Variants in HMCN1 observed in about 807,000 individuals in gnomAD.
HMCN1 encodes hemicentin-1.
A neutral mutation model predicts 625.9 loss-of-function variants in HMCN1; 321 were observed. The observed-to-expected ratio is 0.51, with a 90% CI of 0.47 to 0.56. The LOEUF (loss-of-function observed/expected upper bound fraction) is 0.56, where lower values mean the gene tolerates loss of function less well. Among genes scored for constraint, HMCN1 ranks in the 20% least tolerant of loss-of-function variants. The pLI is 0.00. For synonymous variants in HMCN1, 2,425 were observed against 2,417.6 expected, an observed-to-expected ratio of 1.00 and a Z score of -0.09; for missense variants, 6,588 against 6,887.3, an observed-to-expected ratio of 0.96 and a Z score of 1.54.
chr1:186,102,599 T>C (rs80251741), intron 68 of HMCN1, among the ~76,000 whole-genome samples: 2,753 of 152,202 alleles, frequency 0.018, 37 homozygotes, highest in Non-Finnish European at 0.03. Context: ...GACACCAGCA[T>C]TAAAACTCAG....
At chr1:186,092,486 G>A (rs1199430397) in intron 64 of HMCN1, among the ~76,000 whole-genome samples, 1 of 151,828 alleles carries the variant, frequency 6.6e-6, no homozygotes, top group Non-Finnish European at 1.5e-5. Context: ...ACTGTAGATG[G>A]CAATTTAATC....
intron 2 of HMCN1, among the ~76,000 whole-genome samples, chr1:185,851,632 C>T (rs1330929041): frequency 1.3e-5 from 2 of 152,022 alleles, no homozygotes; most frequent in Non-Finnish European, 2.9e-5. Context: ...AAATTAATAT[C>T]CTCGTAAATA....
intron 1 of HMCN1, among the ~76,000 whole-genome samples, chr1:185,740,093 G>C (rs931893484): frequency 6.6e-6 from 1 of 152,186 alleles, no homozygotes; most frequent in Admixed American, 6.5e-5. Context: ...AGAGGGTGAA[G>C]TCAGAAATAT....
Position 186,117,475 on chromosome 1 carries a change from T to C in HMCN1, c.11700T>C (p.Ala3900=), listed in dbSNP as rs1476897667. ...TTGTTTTAGTTCCACCTTCCATAGC[T>C]GATGAGCCTACAGATTTCCTAGTAA... is the stretch of plus-strand genomic sequence containing the variant. ...DLTVQVPPSI[A]DEPTDFLVTK... The change falls in exon 77 of 107, where the codon GCT becomes GCC. Residue 3900 remains alanine, a synonymous_variant. Transcript: ENST00000271588. 2 of 1,613,710 alleles carry C rather than the reference T, an allele frequency of 1.2e-6. No homozygotes were observed. The highest frequency in any genetic ancestry group is 1.7e-6 in the Non-Finnish European group (2 of 1,179,794).
At chr1:185,988,691 T>G (rs1027576454) in intron 20 of HMCN1, among the ~76,000 whole-genome samples, 11 of 152,196 alleles carry the variant, frequency 7.2e-5, no homozygotes, top group Non-Finnish European at 8.8e-5. Context: ...GTTAAGAACT[T>G]GGGCTCTAGA....
chr1:186,070,786 T>C (rs1445498542), intron 52 of HMCN1, 29 bp downstream of exon 52: 2 of 1,611,384 alleles, frequency 1.2e-6, no homozygotes, highest in Non-Finnish European at 1.7e-6. Flanking sequence ...CATTTGCTGA[T>C]GATTTCTTAA....
chr1:185,776,978 T>A (rs1032735639), intron 1 of HMCN1, among the ~76,000 whole-genome samples: 1 of 152,258 alleles, frequency 6.6e-6, no homozygotes, highest in East Asian at 1.9e-4. Flanking sequence ...AAACCATAAA[T>A]ACAACAGACA....
chr1:185,979,751 A>G (rs1336296591), intron 16 of HMCN1, among the ~76,000 whole-genome samples: 1 of 152,200 alleles, frequency 6.6e-6, no homozygotes, highest in Admixed American at 6.5e-5. Context: ...AGGAGTAGAA[A>G]CTTTGTCATG....
intron 1 of HMCN1, among the ~76,000 whole-genome samples, chr1:185,780,176 G>T (rs1298392425): frequency 6.6e-6 from 1 of 152,208 alleles, no homozygotes. Context: ...AAGAATGCTT[G>T]TGATTTTTGT....
intron 97 of HMCN1, among the ~76,000 whole-genome samples, chr1:186,160,286 T>C (rs1651359820): frequency 6.8e-6 from 1 of 147,184 alleles, no homozygotes; most frequent in East Asian, 2.0e-4. Context: ...TCATTTTTTA[T>C]TGCGTCTATT....
At chr1:185,907,283 G>A (rs1666149256) in intron 4 of HMCN1, among the ~76,000 whole-genome samples, 1 of 151,924 alleles carries the variant, frequency 6.6e-6, no homozygotes, top group Admixed American at 6.6e-5. Context: ...GCAATTAGTT[G>A]TATTAAATTT....
At chr1:185,749,468 T>C (rs1251576117) in intron 1 of HMCN1, among the ~76,000 whole-genome samples, 1 of 152,298 alleles carries the variant, frequency 6.6e-6, no homozygotes, top group East Asian at 1.9e-4. Context: ...AAAGGGCATC[T>C]AATAAGTACC....
chr1:186,169,567 GA>G (rs1485726682), intron 100 of HMCN1, among the ~76,000 whole-genome samples: 1 of 151,822 alleles, frequency 6.6e-6, no homozygotes, highest in Non-Finnish European at 1.5e-5. Flanking sequence ...TGACAAACCT[GA>G]CACAAGCAAT....
At chr1:186,182,482 T>G (rs531444273) in intron 105 of HMCN1, among the ~76,000 whole-genome samples, 195 bp downstream of exon 105, 75 of 152,168 alleles carry the variant, frequency 4.9e-4, no homozygotes, top group Admixed American at 1.0e-3. Flanking sequence ...AGAAAATAGC[T>G]GAGAAACATT....
chr1:186,113,879 C>T, intron 72 of HMCN1, 100 bp from the exon 73 acceptor site: 1 of 1,275,410 alleles, frequency 7.8e-7, no homozygotes, highest in South Asian at 1.2e-5. Flanking sequence ...CAAAGCTATA[C>T]ATTTGACTCG....
At chr1:186,007,103 T>A (rs1653687330) in intron 29 of HMCN1, 25 bp from the exon 30 acceptor site, 2 of 1,579,488 alleles carry the variant, frequency 1.3e-6, no homozygotes, top group Non-Finnish European at 1.7e-6. Context: ...AATAGACCCA[T>A]GGAATAAAGT....
chr1:186,109,407 A>C (rs1003998697), intron 71 of HMCN1, among the ~76,000 whole-genome samples: 2 of 152,182 alleles, frequency 1.3e-5, no homozygotes, highest in African/African-American at 4.8e-5. Flanking sequence ...ACCCTCCAGT[A>C]CTTCAGTTTC....
intron 1 of HMCN1, among the ~76,000 whole-genome samples, chr1:185,811,584 A>G (rs1266661939): frequency 6.6e-6 from 1 of 152,126 alleles, no homozygotes; most frequent in Non-Finnish European, 1.5e-5. Context: ...TGACAGAGCA[A>G]GACCCTGTCT....
At position 186,168,978 on chromosome 1, in the gene HMCN1, T is replaced by C. The variant is rs147851347; in HGVS notation, c.15574+2036T>C. Reference sequence around the variant, plus strand: ...TTCCCCTCCCTGTGTCCATGTGTTCTCATTGTTCAACTCCCACTTAGGAGA... The same window carrying C: ...TTCCCCTCCCTGTGTCCATGTGTTCCCATTGTTCAACTCCCACTTAGGAGA... On this transcript the variant is annotated intron_variant, in intron 100 of 106. Transcript: ENST00000271588. Among the ~76,000 whole-genome samples, 751 of 152,262 alleles carry C rather than the reference T, an allele frequency of 4.9e-3. 2 individuals carry two copies. Among genetic ancestry groups the C allele is most frequent in the Middle Eastern group, 0.01 (3 of 294 alleles).
Sources: allele counts gnomAD v4.1 joint callset (sites outside exome capture counted in the v4.1 genomes callset), GRCh38; gene constraint gnomAD v4.1.1; transcripts MANE v1.5; gene names NCBI Gene and HGNC (gene_info 2026-07-23, HGNC 2026-07-21).